The following MYT1L variants were observed in gnomAD, a reference collection of about 807,000 sequenced individuals.
MYT1L encodes the protein myelin transcription factor 1 like.
Under a neutral mutation model 126.7 loss-of-function variants are expected in MYT1L, and 12 were observed. That is an observed-to-expected ratio of 0.09 (90% CI 0.06 to 0.15). MYT1L has a LOEUF of 0.15. Among genes scored for constraint, MYT1L ranks in the 10% least tolerant of loss-of-function variants. The probability of loss-of-function intolerance (pLI) is 1.00; values close to 1 mark genes in which losing one functional copy is unlikely to be tolerated. For missense variants in MYT1L, 979 were observed against 1,585.2 expected (o/e 0.62, Z 6.49); for synonymous variants, 541 against 604.2 (o/e 0.90, Z 1.53).
intron 1 of MYT1L, among the ~76,000 whole-genome samples, chr2:2,313,675 T>C (rs1573484171): frequency 2.0e-5 from 3 of 152,152 alleles, no homozygotes; most frequent in Non-Finnish European, 2.9e-5. Flanking sequence ...CTATATACCA[T>C]ATAATACTGT....
chr2:1,992,190 G>A (rs899620704), intron 5 of MYT1L, among the ~76,000 whole-genome samples: 1 of 152,152 alleles, frequency 6.6e-6, no homozygotes, highest in Non-Finnish European at 1.5e-5. Flanking sequence ...TTGTGAGGTG[G>A]GGCCTCATGA....
Position 1,911,977 on chromosome 2 carries a change from A to G in MYT1L, c.1709+43T>C, listed in dbSNP as rs12988500. 0.061 allele frequency: 89,027 copies of G among 1,453,084 alleles called. 2,955 individuals are homozygous for G. Among genetic ancestry groups the G allele is most frequent in the Non-Finnish European group, 0.068 (71,830 of 1,063,900 alleles). 90.0% of individuals were successfully genotyped at this position (1,453,084 alleles called of 1,614,324 possible). ...CCAGGAAGGAGAAGGCATGGAGAGC[A>G]GCCGGTGCTCCCTCCCACACCAGTG... On this transcript the variant is annotated intron_variant, in intron 12 of 24. Coordinates refer to ENST00000647738, the MANE Select transcript of MYT1L (RefSeq NM_001303052.2).
intron 3 of MYT1L, among the ~76,000 whole-genome samples, chr2:2,160,807 A>G (rs2087745763): frequency 6.6e-6 from 1 of 152,238 alleles, no homozygotes; most frequent in Admixed American, 6.5e-5. Flanking sequence ...TCAAGAAATA[A>G]GTCACAAGAC....
intron 1 of MYT1L, among the ~76,000 whole-genome samples, chr2:2,322,124 G>A (rs531878368): frequency 2.7e-4 from 41 of 151,672 alleles, no homozygotes; most frequent in Non-Finnish European, 4.4e-4. Flanking sequence ...AAAAGGAATA[G>A]AGTCAAATAA....
intron 3 of MYT1L, among the ~76,000 whole-genome samples, chr2:2,120,985 G>A (rs1275887129): frequency 6.6e-6 from 1 of 152,152 alleles, no homozygotes; most frequent in Non-Finnish European, 1.5e-5. Flanking sequence ...ACCAGGTGGC[G>A]ATGGCGGTCA....
intron 4 of MYT1L, among the ~76,000 whole-genome samples, chr2:2,017,411 G>T (rs999164247): frequency 6.6e-6 from 1 of 152,240 alleles, no homozygotes; most frequent in Admixed American, 6.5e-5. Flanking sequence ...TTTGAAAAAG[G>T]AAGCTAGCTT....
chr2:2,067,594 A>G (rs1483639727), intron 3 of MYT1L, among the ~76,000 whole-genome samples: 1 of 152,208 alleles, frequency 6.6e-6, no homozygotes. Flanking sequence ...AAACTAAAGT[A>G]AAACTCTTCC....
chr2:2,262,939 G>GAGATATATATAT (rs1466512652), intron 2 of MYT1L, among the ~76,000 whole-genome samples: 4 of 51,964 alleles, frequency 7.7e-5, no homozygotes, highest in South Asian at 8.8e-4. Context: ...TATAACCTGT[G>GAGATATATATAT]ATATATATAT....
Position 2,105,927 on chromosome 2 carries a change from T to G in MYT1L, c.-303-51804A>C, listed in dbSNP as rs184151629. Among the ~76,000 whole-genome samples the G allele has an allele frequency of 3.3e-3, 498 of 152,344 alleles. 1 individual carries two copies. Among genetic ancestry groups the G allele is most frequent in the Middle Eastern group, 6.8e-3 (2 of 294 alleles). On this transcript the variant is annotated intron_variant, in intron 3 of 24. Transcript: ENST00000647738. ...TATCAGGCTAAATATGTGTGATGCA[T>G]TTTTATTCCCGAGACAGGGTGATTC...
intron 2 of MYT1L, among the ~76,000 whole-genome samples, chr2:2,175,672 C>A (rs954999774): frequency 4.6e-5 from 7 of 150,646 alleles, no homozygotes; most frequent in African/African-American, 1.8e-4. Flanking sequence ...CCTGGTTTTA[C>A]ATACTTTCCT....
chr2:1,791,740 G>A lies in MYT1L; in HGVS notation c.*127C>T. On this transcript the variant is annotated 3_prime_UTR_variant, in exon 25 of 25. Transcript: ENST00000647738. The surrounding 1 kb of genome is among the most constrained non-coding windows in gnomAD (Gnocchi z 6.0). ...AAGCAAGACATAAAATCATTATGAAGTCTTGTAAGCATAACACTGTTTCAA... is the reference window on the plus strand; with the variant it reads ...AAGCAAGACATAAAATCATTATGAAATCTTGTAAGCATAACACTGTTTCAA... 1 of 941,056 alleles carries A rather than the reference G, an allele frequency of 1.1e-6. No individual in the cohort carries two copies. Among genetic ancestry groups the A allele is most frequent in the Non-Finnish European group, 1.5e-6 (1 of 653,530 alleles). The allele number at this position is 941,056 out of a possible 1,614,324, so 58.3% of individuals were successfully genotyped here.
chr2:2,253,740 G>A (rs1338738694), intron 2 of MYT1L, among the ~76,000 whole-genome samples: 254 of 149,744 alleles, frequency 1.7e-3, no homozygotes, highest in African/African-American at 6.2e-3. Context: ...GTCGGAAACA[G>A]GAAGCGGGGC....
intron 1 of MYT1L, among the ~76,000 whole-genome samples, chr2:2,327,983 G>A (rs1224340040): frequency 2.0e-5 from 3 of 152,170 alleles, no homozygotes; most frequent in Non-Finnish European, 4.4e-5. Flanking sequence ...CTTACAGGTA[G>A]AGTTGGAAAT....
At chr2:1,942,546 G>A (rs1412908254) in intron 9 of MYT1L, among the ~76,000 whole-genome samples, 1 of 152,186 alleles carries the variant, frequency 6.6e-6, no homozygotes, top group Admixed American at 6.5e-5. Context: ...CCAGTCATTA[G>A]GCAGGACTTC....
chr2:2,107,519 C>A lies in MYT1L; in HGVS notation c.-303-53396G>T, dbSNP rs544759937. Among the ~76,000 whole-genome samples the A allele has an allele frequency of 4.6e-3, 703 of 152,310 alleles. 2 individuals carry two copies. The highest frequency in any genetic ancestry group is 7.5e-3 in the Non-Finnish European group (509 of 68,028). On this transcript the variant is annotated intron_variant, in intron 3 of 24. Transcript: ENST00000647738. ...TAAAGAGCTAAGTGCCCAGAATAATCAAGAATAGATTCTCAGAGCCATTGA... is the reference window on the plus strand; with the variant it reads ...TAAAGAGCTAAGTGCCCAGAATAATAAAGAATAGATTCTCAGAGCCATTGA...
chr2:2,102,386 T>C (rs1336188199), intron 3 of MYT1L, among the ~76,000 whole-genome samples: 3 of 152,232 alleles, frequency 2.0e-5, no homozygotes, highest in Non-Finnish European at 4.4e-5. Context: ...TTACATGGTT[T>C]AAAGCTATAA....
intron 4 of MYT1L, among the ~76,000 whole-genome samples, chr2:2,020,162 T>C (rs1352250815): frequency 6.6e-6 from 1 of 152,200 alleles, no homozygotes; most frequent in Non-Finnish European, 1.5e-5. Flanking sequence ...TAATTAGCTA[T>C]AGCTTGATTG....
chr2:2,002,793 TC>T (rs546390862), intron 4 of MYT1L, among the ~76,000 whole-genome samples: 13 of 152,108 alleles, frequency 8.5e-5, no homozygotes, highest in Non-Finnish European at 1.8e-4. Context: ...CGGGGCAGTT[TC>T]CCCCATGCTG....
chr2:2,307,989 C>T (rs1461038082), intron 1 of MYT1L, among the ~76,000 whole-genome samples: 1 of 151,940 alleles, frequency 6.6e-6, no homozygotes, highest in African/African-American at 2.4e-5. Flanking sequence ...CACACTCTAC[C>T]TACACTCCAC....
Sources: allele counts gnomAD v4.1 joint callset (sites outside exome capture counted in the v4.1 genomes callset), GRCh38; gene constraint gnomAD v4.1.1; non-coding constraint Gnocchi (gnomAD v3.1); transcripts MANE v1.5; gene names NCBI Gene and HGNC (gene_info 2026-07-23, HGNC 2026-07-21).